The following ZMIZ1 variants were observed in gnomAD, a reference collection of about 807,000 sequenced individuals.
ZMIZ1 encodes zinc finger MIZ domain-containing protein 1.
A neutral mutation model predicts 113.9 loss-of-function variants in ZMIZ1; 17 were observed. The observed-to-expected ratio is 0.15, with a 90% confidence interval of 0.10 to 0.22. The LOEUF (loss-of-function observed/expected upper bound fraction) is 0.22. Among genes scored for constraint, ZMIZ1 ranks in the 10% least tolerant of loss-of-function variants. The probability of loss-of-function intolerance (pLI) is 1.00; values close to 1 mark genes in which losing one functional copy is unlikely to be tolerated. For missense variants in ZMIZ1, 1,059 were observed against 1,477.8 expected (o/e 0.72, Z 4.65); for synonymous variants, 607 against 603.1 (o/e 1.01, Z -0.09).
At chr10:79,109,494 T>G (rs1843665618) in intron 1 of ZMIZ1, among the ~76,000 whole-genome samples, 1 of 152,184 alleles carries the variant, frequency 6.6e-6, no homozygotes, top group Non-Finnish European at 1.5e-5. Context: ...GGAGGTAGCC[T>G]CATCTGTCCT....
chr10:79,270,505 A>G (rs945722074), intron 7 of ZMIZ1, among the ~76,000 whole-genome samples: 6 of 152,150 alleles, frequency 3.9e-5, no homozygotes, highest in Non-Finnish European at 8.8e-5. Context: ...CCACTATTTC[A>G]CATGCCACTA....
At chr10:79,164,994 A>G (rs1055134906) in intron 4 of ZMIZ1, among the ~76,000 whole-genome samples, 4 of 152,084 alleles carry the variant, frequency 2.6e-5, no homozygotes, top group African/African-American at 9.7e-5. Context: ...CATTGCATGG[A>G]CATAGGGGCA....
At position 79,299,111 on chromosome 10, in the gene ZMIZ1, C is replaced by G; in HGVS notation, c.1728C>G (p.Pro576=). 1 of 1,612,588 alleles carries G rather than the reference C, an allele frequency of 6.2e-7. No individual in the cohort carries two copies. The highest frequency in any genetic ancestry group is 1.1e-5 in the South Asian group (1 of 91,074). The change falls in exon 16 of 25, where the codon CCC becomes CCG. Residue 576 remains proline (P), a synonymous_variant. Coordinates refer to ENST00000334512, the MANE Select transcript of ZMIZ1 (RefSeq NM_020338.4). Reference sequence around the variant, plus strand: ...TGCGGGATGGCGTGGTGCTGGAGCCCTTCCGCCTGGAGCACAACCTGGCGG... The same window carrying G: ...TGCGGGATGGCGTGGTGCTGGAGCCGTTCCGCCTGGAGCACAACCTGGCGG... ...FPVRDGVVLE[P]FRLEHNLAVS... is the part of the protein sequence containing the mutation.
chr10:79,231,377 A>G (rs1426735488), intron 7 of ZMIZ1, among the ~76,000 whole-genome samples: 8 of 152,058 alleles, frequency 5.3e-5, no homozygotes, highest in Admixed American at 5.2e-4. Flanking sequence ...CCTCCCCAAC[A>G]GCTGGGGTTG....
intron 7 of ZMIZ1, among the ~76,000 whole-genome samples, chr10:79,239,427 G>A (rs574003719): frequency 6.6e-6 from 1 of 152,340 alleles, no homozygotes; most frequent in Admixed American, 6.5e-5. Flanking sequence ...CTCTCACGTG[G>A]ACACGTGGCT....
intron 1 of ZMIZ1, among the ~76,000 whole-genome samples, chr10:79,102,264 A>C (rs566228552): frequency 2.0e-5 from 3 of 152,362 alleles, no homozygotes; most frequent in Non-Finnish European, 4.4e-5. Context: ...CCCCTCTCAC[A>C]GGGAGGCAGA....
intron 1 of ZMIZ1, among the ~76,000 whole-genome samples, chr10:79,116,591 G>A (rs2132315241): frequency 6.6e-6 from 1 of 152,280 alleles, no homozygotes; most frequent in East Asian, 1.9e-4. Flanking sequence ...GCAGGGCTGG[G>A]GATGGGCTAC....
chr10:79,070,126 G>A (rs1485477601), intron 1 of ZMIZ1, among the ~76,000 whole-genome samples: 3 of 150,618 alleles, frequency 2.0e-5, no homozygotes, highest in African/African-American at 7.3e-5. Context: ...AGGTTGGGGG[G>A]CCGGGGCTGG....
chr10:79,283,173 C>G (rs957046211), intron 8 of ZMIZ1, among the ~76,000 whole-genome samples: 1 of 152,218 alleles, frequency 6.6e-6, no homozygotes, highest in African/African-American at 2.4e-5. Flanking sequence ...GTGCCTTCCT[C>G]CTTCTTATAG....
chr10:79,254,749 G>A (rs989269087), intron 7 of ZMIZ1, among the ~76,000 whole-genome samples: 3 of 152,178 alleles, frequency 2.0e-5, no homozygotes, highest in Admixed American at 6.5e-5. Context: ...ACAGGTGGGC[G>A]GGGGCGTTGG....
At chr10:79,253,552 C>G (rs1850681595) in intron 7 of ZMIZ1, among the ~76,000 whole-genome samples, 1 of 152,182 alleles carries the variant, frequency 6.6e-6, no homozygotes, top group Admixed American at 6.5e-5. Context: ...CTTCTCCTCA[C>G]CCAGCAAGGG....
At chr10:79,255,930 G>A (rs1564556299) in intron 7 of ZMIZ1, among the ~76,000 whole-genome samples, 2 of 152,218 alleles carry the variant, frequency 1.3e-5, no homozygotes, top group South Asian at 4.1e-4. Context: ...ATTGCCTGCA[G>A]AATTACCCCC....
intron 3 of ZMIZ1, among the ~76,000 whole-genome samples, chr10:79,150,893 C>G (rs1184772616): frequency 6.6e-6 from 1 of 152,058 alleles, no homozygotes; most frequent in Non-Finnish European, 1.5e-5. Context: ...GTCCCACCAC[C>G]CTCCCAACCC....
At chr10:79,308,297 T>C (rs1854870802) in intron 23 of ZMIZ1, among the ~76,000 whole-genome samples, 1 of 152,228 alleles carries the variant, frequency 6.6e-6, no homozygotes, top group South Asian at 2.1e-4. Context: ...CAGACAGGCC[T>C]TGGGCTAATG....
At chr10:79,310,716 G>A (rs779929907) in intron 23 of ZMIZ1, among the ~76,000 whole-genome samples, 13 of 152,196 alleles carry the variant, frequency 8.5e-5, no homozygotes, top group Admixed American at 6.5e-4. Context: ...GGTCCCCGCC[G>A]TCCCCCTGCA....
At chr10:79,150,817 C>T (rs1018747355) in intron 3 of ZMIZ1, among the ~76,000 whole-genome samples, 6 of 152,114 alleles carry the variant, frequency 3.9e-5, no homozygotes, top group Admixed American at 1.3e-4. Context: ...AGCATGCCTC[C>T]GTCTCTCAGC....
Position 79,302,207 on chromosome 10 carries a change from C to T in ZMIZ1, c.2120C>T (p.Thr707Met), listed in dbSNP as rs181574686. The stretch of plus-strand genomic sequence containing the variant: ...CTCCTGCCCGCAGAGCACTGTATCA[C>T]GAAAAGTGAGTCAGGGTGGGGACGG... The part of the protein sequence containing the change: ...KRLLPAEHCI[T>M]KIKRNFSSVA... The change falls in exon 18 of 25, where the codon ACG (threonine) becomes ATG (methionine). Residue 707 changes from threonine to methionine, a missense_variant. Transcript: ENST00000334512. 90 of 1,613,302 alleles carry T rather than the reference C, an allele frequency of 5.6e-5. No individual in the cohort carries two copies. Among genetic ancestry groups the T allele is most frequent in the Admixed American group, 1.8e-4 (11 of 60,024 alleles).
chr10:79,274,865 G>A (rs996138433), intron 7 of ZMIZ1, among the ~76,000 whole-genome samples: 2 of 152,224 alleles, frequency 1.3e-5, no homozygotes, highest in African/African-American at 4.8e-5. Context: ...TGAGCAGGGG[G>A]TGGCCCGTGA....
At chr10:79,094,725 G>T (rs1016648324) in intron 1 of ZMIZ1, among the ~76,000 whole-genome samples, 1 of 152,210 alleles carries the variant, frequency 6.6e-6, no homozygotes, top group African/African-American at 2.4e-5. Context: ...AAGGTGAGCG[G>T]ATCGCTTGAG....
Sources: allele counts gnomAD v4.1 joint callset (sites outside exome capture counted in the v4.1 genomes callset), GRCh38; gene constraint gnomAD v4.1.1; transcripts MANE v1.5; gene names NCBI Gene and HGNC (gene_info 2026-07-23, HGNC 2026-07-21).